The following ATRNL1 variants were observed in gnomAD, a reference collection of about 807,000 sequenced individuals.
ATRNL1 encodes the protein attractin-like protein 1.
Under a neutral mutation model 182.7 loss-of-function variants are expected in ATRNL1, and 95 were observed. The observed-to-expected ratio is 0.52, with a 90% CI of 0.44 to 0.62. The LOEUF is 0.62. Ranked by LOEUF, ATRNL1 falls within the 20% of genes least tolerant of loss-of-function variation. The pLI is 0.00. For missense variants in ATRNL1, 1,471 were observed against 1,679.5 expected (o/e 0.88, Z 2.17); for synonymous variants, 576 against 568.3 (o/e 1.01, Z -0.19).
At chr10:115,400,715 G>A (rs191954128) in intron 20 of ATRNL1, among the ~76,000 whole-genome samples, 243 of 152,044 alleles carry the variant, frequency 1.6e-3, no homozygotes, top group African/African-American at 5.7e-3. Context: ...TTGCCTTTTT[G>A]ATTTTTGTGA....
chr10:115,509,787 T>C (rs558031817), intron 24 of ATRNL1, among the ~76,000 whole-genome samples: 5 of 152,154 alleles, frequency 3.3e-5, no homozygotes, highest in African/African-American at 1.2e-4. Context: ...TGATTTTTTG[T>C]ACTATTTTTA....
chr10:115,697,792 AT>A (rs1946611252), intron 26 of ATRNL1, among the ~76,000 whole-genome samples: 2 of 152,138 alleles, frequency 1.3e-5, no homozygotes, highest in African/African-American at 4.8e-5. Flanking sequence ...AAAACAAAGC[AT>A]TTTTTATAAC....
rs11197443 is a variant in ATRNL1, at chr10:115,781,752, C to A, written c.3903+54397C>A. ...TTAATATGGGTGATGGTTACATAGG[C>A]CTGTTCCCTTCATAAAAATTCACAA... On this transcript the variant is annotated intron_variant, in intron 27 of 28. Coordinates refer to ENST00000355044, the MANE Select transcript of ATRNL1 (RefSeq NM_207303.4). 3.0e-3 allele frequency among the ~76,000 whole-genome samples: 460 copies of A among 152,204 alleles called. 3 individuals are homozygous for A. Among genetic ancestry groups the A allele is most frequent in the Admixed American group, 5.0e-3 (77 of 15,296 alleles).
intron 26 of ATRNL1, among the ~76,000 whole-genome samples, chr10:115,594,898 A>G (rs1856139646): frequency 6.6e-6 from 1 of 152,178 alleles, no homozygotes; most frequent in Admixed American, 6.5e-5. Context: ...GAGGTACATG[A>G]CATCCTTCTT....
intron 19 of ATRNL1, among the ~76,000 whole-genome samples, chr10:115,357,574 C>T (rs1348963662): frequency 6.6e-6 from 1 of 151,666 alleles, no homozygotes; most frequent in Non-Finnish European, 1.5e-5. Context: ...AAGTGCCTTT[C>T]TCTCAAAGAC....
intron 5 of ATRNL1, among the ~76,000 whole-genome samples, chr10:115,134,578 G>A (rs1473516758): frequency 3.9e-5 from 6 of 152,144 alleles, no homozygotes; most frequent in African/African-American, 7.2e-5. Context: ...AGGACCAGAC[G>A]GATTCACAGG....
intron 8 of ATRNL1, among the ~76,000 whole-genome samples, chr10:115,202,915 T>C (rs1554892827): frequency 6.7e-6 from 1 of 150,252 alleles, no homozygotes; most frequent in African/African-American, 2.5e-5. Flanking sequence ...TCAGAGCCTG[T>C]TATTGGTCTA....
chr10:115,176,050 C>A (rs2144123538), intron 8 of ATRNL1, among the ~76,000 whole-genome samples: 1 of 152,268 alleles, frequency 6.6e-6, no homozygotes, highest in East Asian at 1.9e-4. Context: ...TTGCATTTCT[C>A]TGATGGCCAG....
chr10:115,296,830 A>G (rs1221861494), intron 15 of ATRNL1, among the ~76,000 whole-genome samples: 1 of 152,196 alleles, frequency 6.6e-6, no homozygotes. Context: ...TTTGGTATAC[A>G]TTTATTACTT....
At chr10:115,274,942 G>C (rs183347863) in intron 13 of ATRNL1, among the ~76,000 whole-genome samples, 82 of 152,256 alleles carry the variant, frequency 5.4e-4, no homozygotes, top group Non-Finnish European at 6.3e-4. Flanking sequence ...AAATCCATCT[G>C]TCTTCTGCAT....
At chr10:115,453,001 A>G (rs538473545) in intron 21 of ATRNL1, among the ~76,000 whole-genome samples, 61 of 152,246 alleles carry the variant, frequency 4.0e-4, no homozygotes, top group African/African-American at 1.4e-3. Flanking sequence ...AGGTCTATCT[A>G]TGTTGTTGCA....
At chr10:115,384,520 A>G (rs1564983431) in intron 19 of ATRNL1, among the ~76,000 whole-genome samples, 1 of 152,046 alleles carries the variant, frequency 6.6e-6, no homozygotes, top group African/African-American at 2.4e-5. Context: ...CTCTGCTTCT[A>G]TAAAATGAAA....
intron 20 of ATRNL1, among the ~76,000 whole-genome samples, chr10:115,419,472 A>T (rs2134369654): frequency 6.6e-6 from 1 of 152,292 alleles, no homozygotes; most frequent in African/African-American, 2.4e-5. Context: ...TTATTCAGTT[A>T]AAAGAGAGGC....
At chr10:115,342,344 G>T (rs1361706372) in intron 19 of ATRNL1, among the ~76,000 whole-genome samples, 1 of 147,620 alleles carries the variant, frequency 6.8e-6, no homozygotes, top group African/African-American at 2.5e-5. Context: ...TATTTTTTGT[G>T]TATCCATTGT....
chr10:115,628,570 T>A (rs1858264462), intron 26 of ATRNL1, among the ~76,000 whole-genome samples: 1 of 152,200 alleles, frequency 6.6e-6, no homozygotes, highest in African/African-American at 2.4e-5. Context: ...CACAAAAGTT[T>A]TAAATTTTGA....
chr10:115,830,295 G>A (rs1309953458), intron 27 of ATRNL1, among the ~76,000 whole-genome samples: 2 of 152,120 alleles, frequency 1.3e-5, no homozygotes, highest in Non-Finnish European at 2.9e-5. Context: ...TTTATAAATG[G>A]ATCATTGGCA....
intron 1 of ATRNL1, among the ~76,000 whole-genome samples, chr10:115,101,454 A>G (rs909345989): frequency 1.3e-5 from 2 of 152,072 alleles, no homozygotes; most frequent in African/African-American, 4.8e-5. Context: ...TTCTGTGCCC[A>G]TTGAGATAAT....
chr10:115,707,474 T>C (rs1206608228), intron 26 of ATRNL1, among the ~76,000 whole-genome samples: 1 of 151,664 alleles, frequency 6.6e-6, no homozygotes, highest in East Asian at 1.9e-4. Flanking sequence ...ATTCACAATA[T>C]CATATTAAGT....
chr10:115,187,687 T>C (rs1183634398), intron 8 of ATRNL1, among the ~76,000 whole-genome samples: 3 of 148,278 alleles, frequency 2.0e-5, no homozygotes, highest in African/African-American at 5.0e-5. Flanking sequence ...TTTTTTTTTT[T>C]TTTCTTTTTT....
Sources: allele counts gnomAD v4.1 joint callset (sites outside exome capture counted in the v4.1 genomes callset), GRCh38; gene constraint gnomAD v4.1.1; transcripts MANE v1.5; gene names NCBI Gene and HGNC (gene_info 2026-07-23, HGNC 2026-07-21).